The following GRIK4 variants were observed in gnomAD, a reference collection of about 807,000 sequenced individuals.
GRIK4 encodes glutamate ionotropic receptor kainate type subunit 4.
Under a neutral mutation model 104.9 loss-of-function variants are expected in GRIK4, and 40 were observed. The ratio of observed to expected loss-of-function variants is 0.38; its 90% CI spans 0.30 to 0.50. GRIK4 has a LOEUF of 0.50. Ranked by LOEUF, GRIK4 falls within the 20% of genes least tolerant of loss-of-function variation. The probability of loss-of-function intolerance (pLI) is 0.93; values close to 1 mark genes in which losing one functional copy is unlikely to be tolerated. For synonymous variants in GRIK4, 485 were observed against 524.9 expected (o/e 0.92, Z 1.04); for missense variants, 1,047 against 1,308.1 (o/e 0.80, Z 3.08).
chr11:120,599,676 G>T (rs1215470593), intron 1 of GRIK4, among the ~76,000 whole-genome samples: 1 of 152,242 alleles, frequency 6.6e-6, no homozygotes, highest in Non-Finnish European at 1.5e-5. Flanking sequence ...TCAGAGGTTT[G>T]TGAAAACCAG....
At chr11:120,813,213 G>A (rs1005508607) in intron 4 of GRIK4, among the ~76,000 whole-genome samples, 5 of 152,236 alleles carry the variant, frequency 3.3e-5, no homozygotes, top group Middle Eastern at 3.4e-3. Flanking sequence ...CCCTGGATGC[G>A]GGTCAGGAGA....
chr11:120,638,712 C>T (rs908358358), intron 1 of GRIK4, among the ~76,000 whole-genome samples: 4 of 151,486 alleles, frequency 2.6e-5, no homozygotes, highest in African/African-American at 4.8e-5. Context: ...CTCCTGACCT[C>T]GTGATCCGCC....
At chr11:120,801,944 A>G (rs1208361318) in intron 3 of GRIK4, among the ~76,000 whole-genome samples, 1 of 152,212 alleles carries the variant, frequency 6.6e-6, no homozygotes, top group African/African-American at 2.4e-5. Context: ...CTGTGATACC[A>G]TAACATTTAT....
chr11:120,571,152 C>T (rs1054446872), intron 1 of GRIK4, among the ~76,000 whole-genome samples: 3 of 152,152 alleles, frequency 2.0e-5, no homozygotes, highest in African/African-American at 7.2e-5. Context: ...TTGGCCCCCT[C>T]CTCCCTAGAC....
At position 120,961,691 on chromosome 11, in the gene GRIK4, C is replaced by G. The variant is rs1465849814; in HGVS notation, c.2040+617C>G. ...GCTGTCAAGCAAACTGATTGATCGCCAAGACTGACAGCCAGACCAGATGGA... is the reference window on the plus strand; with the variant it reads ...GCTGTCAAGCAAACTGATTGATCGCGAAGACTGACAGCCAGACCAGATGGA... On this transcript the variant is annotated intron_variant, in intron 17 of 20. Coordinates refer to ENST00000527524, the MANE Select transcript of GRIK4 (RefSeq NM_014619.5). Among the ~76,000 whole-genome samples, 3 of 152,328 alleles carry G rather than the reference C, an allele frequency of 2.0e-5. No individual in the cohort carries two copies. The East Asian group carries it at 5.8e-4, about 29-fold the overall frequency.
chr11:120,775,355 C>T lies in GRIK4; in HGVS notation c.83-27338C>T, dbSNP rs1952023176. On this transcript the variant is annotated intron_variant, in intron 3 of 20. Transcript: ENST00000527524. ...AGGAGGAGGAAGGACCTGAGAGACA[C>T]AGCTGGGTTGGGCAGCAAGAGGACA... is the stretch of plus-strand genomic sequence containing the variant. Among the ~76,000 whole-genome samples the T allele has an allele frequency of 3.9e-5, 6 of 152,186 alleles. No homozygotes were observed. The South Asian group carries it at 1.2e-3, about 31-fold the overall frequency.
At chr11:120,975,670 C>T (rs1200316967) in intron 19 of GRIK4, among the ~76,000 whole-genome samples, 2 of 152,162 alleles carry the variant, frequency 1.3e-5, no homozygotes, top group African/African-American at 4.8e-5. Flanking sequence ...ACGTAGACCC[C>T]CTCACCTCTA....
chr11:120,793,984 G>T (rs1952455713), intron 3 of GRIK4, among the ~76,000 whole-genome samples: 4 of 151,750 alleles, frequency 2.6e-5, no homozygotes, highest in Admixed American at 2.6e-4. Context: ...CTGAGAGCCG[G>T]GTGATGGTTA....
intron 14 of GRIK4, among the ~76,000 whole-genome samples, chr11:120,947,701 C>G (rs1465699269): frequency 1.3e-5 from 2 of 152,170 alleles, no homozygotes; most frequent in East Asian, 1.9e-4. Context: ...TTGAGTGCCT[C>G]TCTCTGAAGA....
chr11:120,776,836 C>CA (rs1218555555), intron 3 of GRIK4, among the ~76,000 whole-genome samples: 1 of 152,212 alleles, frequency 6.6e-6, no homozygotes, highest in Non-Finnish European at 1.5e-5. Context: ...TAGGCCTCTT[C>CA]ACAGCAGGGC....
rs1294742719 is a variant in GRIK4, at chr11:120,929,024, T to C, written c.1477-11323T>C. ...ACGCGTGTATGTGTGTGTGCGCACATGTGTGTGTGTGTGTGTGTCTGTGTG... is the reference window on the plus strand; with the variant it reads ...ACGCGTGTATGTGTGTGTGCGCACACGTGTGTGTGTGTGTGTGTCTGTGTG... On this transcript the variant is annotated intron_variant, in intron 13 of 20. Transcript: ENST00000527524. 2.5e-3 allele frequency among the ~76,000 whole-genome samples: 118 copies of C among 47,126 alleles called. 1 individual carries two copies. The highest frequency in any genetic ancestry group is 5.5e-3 in the African/African-American group (109 of 19,714). The allele number at this position is 47,126 out of a possible 152,430, so 30.9% of individuals were successfully genotyped here. A position where few individuals can be genotyped will look rare whatever the true frequency, so the allele number is the denominator to read the frequency against.
chr11:120,850,303 A>AGT (rs1018465552), intron 8 of GRIK4, among the ~76,000 whole-genome samples: 3 of 151,552 alleles, frequency 2.0e-5, no homozygotes, highest in African/African-American at 4.8e-5. Flanking sequence ...AGTCCTGGGG[A>AGT]GTGTGTGTGT....
intron 3 of GRIK4, among the ~76,000 whole-genome samples, chr11:120,672,890 C>T (rs1950043607): frequency 6.6e-6 from 1 of 152,172 alleles, no homozygotes; most frequent in African/African-American, 2.4e-5. Context: ...ATTTGATTTC[C>T]TCTCTTCCTA....
chr11:120,583,714 A>G (rs1219304494), intron 1 of GRIK4, among the ~76,000 whole-genome samples: 2 of 152,208 alleles, frequency 1.3e-5, no homozygotes, highest in Non-Finnish European at 2.9e-5. Flanking sequence ...TTGGTTGCAT[A>G]TGAATTTTAA....
chr11:120,762,613 T>G (rs1951769892), intron 3 of GRIK4, among the ~76,000 whole-genome samples: 1 of 152,254 alleles, frequency 6.6e-6, no homozygotes. Context: ...ATACGTTCCA[T>G]CAATACCTAG....
intron 3 of GRIK4, among the ~76,000 whole-genome samples, chr11:120,683,099 G>GT (rs1331890207): frequency 6.6e-6 from 1 of 152,032 alleles, no homozygotes; most frequent in Non-Finnish European, 1.5e-5. Flanking sequence ...TGCTGCCCTG[G>GT]TTTAAGAGCA....
chr11:120,867,702 C>G lies in GRIK4; in HGVS notation c.906+5582C>G, dbSNP rs549171034. On this transcript the variant is annotated intron_variant, in intron 9 of 20. Coordinates refer to ENST00000527524, the MANE Select transcript of GRIK4 (RefSeq NM_014619.5). ...CTGAACTGAGAGGTAACCAGGAAAG[C>G]AAGATCAGTCCATGCCCCCAGGCCA... is the stretch of plus-strand genomic sequence containing the variant. Among the ~76,000 whole-genome samples the G allele has an allele frequency of 3.3e-5, 5 of 151,982 alleles. No homozygotes were observed. The South Asian group carries it at 1.0e-3, about 32-fold the overall frequency.
rs1942646081 is a variant in GRIK4, at chr11:120,898,535, G to A, written c.1168G>A (p.Gly390Ser). Residue 390 changes from glycine (G) to serine (S), a missense_variant, in exon 12 of 21, where the codon GGC (glycine) becomes AGC (serine). Around this residue, in one of 3 missense-constraint regions of GRIK4, gnomAD observed 440 missense variants for 652.3 expected, o/e 0.67. Transcript: ENST00000527524. ...TCCTCTCCGTTGGTCTCCTCAGATC[G>A]GCCAGTGGCACGTGGCAGAGGGCCT... Reference protein sequence around the residue: ...QFTRNGFRQIGQWHVAEGLSM... With the variant: ...QFTRNGFRQISQWHVAEGLSM... 1.3e-6 allele frequency: 2 copies of A among 1,583,656 alleles called. No homozygotes were observed. The highest frequency in any genetic ancestry group is 1.7e-6 in the Non-Finnish European group (2 of 1,152,260).
At chr11:120,764,991 G>A (rs1951808249) in intron 3 of GRIK4, among the ~76,000 whole-genome samples, 1 of 152,056 alleles carries the variant, frequency 6.6e-6, no homozygotes, top group South Asian at 2.1e-4. Context: ...TCCTGAATTT[G>A]CATGTTGGCA....
Sources: gnomAD v4.1 joint callset for allele counts (sites outside exome capture counted in the v4.1 genomes callset) on GRCh38, gnomAD v4.1.1 for gene constraint, gnomAD v4.1.1 regional missense constraint, MANE v1.5 for transcripts, NCBI Gene and HGNC (gene_info 2026-07-23, HGNC 2026-07-21) for gene names.